The following LNPEP variants were observed in gnomAD, a reference collection of about 807,000 sequenced individuals.
LNPEP encodes the protein leucyl and cystinyl aminopeptidase.
A neutral mutation model predicts 120.6 loss-of-function variants in LNPEP; 64 were observed. That is an observed-to-expected ratio of 0.53 (90% CI 0.43 to 0.65). LNPEP has a LOEUF of 0.65. LNPEP is among the 30% of genes least tolerant of loss of function. The pLI is 0.00. For missense variants in LNPEP, 1,057 were observed against 1,200.0 expected (o/e 0.88, Z 1.76); for synonymous variants, 435 against 425.4 (o/e 1.02, Z -0.28).
At chr5:96,938,431 A>G (rs1788973963) in intron 1 of LNPEP, among the ~76,000 whole-genome samples, 1 of 152,256 alleles carries the variant, frequency 6.6e-6, no homozygotes, top group African/African-American at 2.4e-5. Flanking sequence ...AAACAGTTTC[A>G]GTAATTTAGG....
At position 97,030,607 on chromosome 5, in the gene LNPEP, T is replaced by C. The variant is rs1791448274; in HGVS notation, c.*2074T>C. 1 of 71,286 alleles carries C rather than the reference T, an allele frequency of 1.4e-5. No homozygotes were observed. Among genetic ancestry groups the C allele is most frequent in the Non-Finnish European group, 3.0e-5 (1 of 33,762 alleles). 4.4% of individuals were successfully genotyped at this position (71,286 alleles called of 1,614,324 possible). A position where few individuals can be genotyped will look rare whatever the true frequency, so the allele number is the denominator to read the frequency against. ...TCTTGAATTATATCATTTCTCTCCC[T>C]CTCTCTCTCTCTCTGTGTGTGTGTG... On this transcript the variant is annotated 3_prime_UTR_variant, in exon 18 of 18. Transcript: ENST00000231368.
intron 1 of LNPEP, among the ~76,000 whole-genome samples, chr5:96,964,238 T>C (rs1789674658): frequency 6.6e-6 from 1 of 152,084 alleles, no homozygotes; most frequent in African/African-American, 2.4e-5. Context: ...CGTGGATCAA[T>C]TCTAAAACAT....
intron 1 of LNPEP, among the ~76,000 whole-genome samples, chr5:96,941,846 G>T (rs902758027): frequency 6.6e-6 from 1 of 152,226 alleles, no homozygotes; most frequent in African/African-American, 2.4e-5. Context: ...TGATGAAGAT[G>T]AAAGAAATGT....
Position 96,960,409 on chromosome 5 carries a change from A to G in LNPEP, c.20-18729A>G, listed in dbSNP as rs893343176. 7.2e-5 allele frequency among the ~76,000 whole-genome samples: 11 copies of G among 152,334 alleles called. No homozygotes were observed. In the South Asian group the frequency reaches 1.4e-3, roughly 20 times the overall value. ...ACTAACTGCAGCAAAACTTGGTTCA[A>G]TGTAGAAATCTAAAACTTAAAGCAA... On this transcript the variant is annotated intron_variant, in intron 1 of 17. Transcript: ENST00000231368.
At chr5:96,954,633 CATATAT>C (rs1439094563) in intron 1 of LNPEP, among the ~76,000 whole-genome samples, 15 of 41,584 alleles carry the variant, frequency 3.6e-4, no homozygotes, top group Middle Eastern at 0.011. Flanking sequence ...TATATATATA[CATATAT>C]ACATATATAC....
chr5:97,022,620 G>A lies in LNPEP; in HGVS notation c.2561+136G>A, dbSNP rs367991511. The A allele has an allele frequency of 1.7e-5, 12 of 691,144 alleles. No homozygotes were observed. The African/African-American group carries it at 1.8e-4, about 11-fold the overall frequency. The allele number at this position is 691,144 out of a possible 1,614,324, so 42.8% of individuals were successfully genotyped here. ...CAGTGTAGGTGAACTCTATGTATCT[G>A]CATTCTCAAACAAGACTTTTTTTTT... On this transcript the variant is annotated intron_variant, in intron 14 of 17. Transcript: ENST00000231368.
intron 17 of LNPEP, 35 bp downstream of exon 17, chr5:97,027,849 C>A: frequency 8.0e-7 from 1 of 1,247,794 alleles, no homozygotes; most frequent in Non-Finnish European, 1.2e-6. Flanking sequence ...AGAGACTGGG[C>A]AACCCTCCGC....
intron 1 of LNPEP, among the ~76,000 whole-genome samples, chr5:96,955,618 C>G (rs1488936226): frequency 6.6e-6 from 1 of 151,830 alleles, no homozygotes; most frequent in Admixed American, 6.5e-5. Flanking sequence ...GACTCCATCT[C>G]AAAAAAGAAA....
chr5:96,989,381 AT>A (rs1351882371), intron 4 of LNPEP, among the ~76,000 whole-genome samples: 7 of 22,924 alleles, frequency 3.1e-4, no homozygotes, highest in African/African-American at 1.1e-3. Flanking sequence ...TATATTATAT[AT>A]TATATACAAT....
intron 1 of LNPEP, chr5:96,943,109 C>A: frequency 2.8e-6 from 1 of 360,164 alleles, no homozygotes; most frequent in East Asian, 5.9e-5. Context: ...CTTCCACAGT[C>A]TTTCTGAGAT....
chr5:96,940,532 A>C (rs1355043217), intron 1 of LNPEP, among the ~76,000 whole-genome samples: 1 of 152,200 alleles, frequency 6.6e-6, no homozygotes, highest in African/African-American at 2.4e-5. Context: ...TGTCATGCTA[A>C]TATGAAATAT....
intron 13 of LNPEP, among the ~76,000 whole-genome samples, chr5:97,015,317 A>G (rs1791041147): frequency 6.6e-6 from 1 of 152,122 alleles, no homozygotes; most frequent in Non-Finnish European, 1.5e-5. Context: ...AAATACAGAC[A>G]TTTGACACCA....
At position 97,013,680 on chromosome 5, in the gene LNPEP, G is replaced by A. The variant is rs141348665; in HGVS notation, c.2068G>A (p.Val690Ile). ...VINLTEEVLW[V>I]KVNINMNGYY... ...CAATCTTACAGAAGAAGTGCTGTGG[G>A]TCAAAGTGAATATAAACATGAATGG... The change falls in exon 12 of 18, where the codon GTC becomes ATC. Residue 690 changes from valine (V) to isoleucine (I), a missense_variant. By Grantham distance (29) the Val-to-Ile change is conservative. Transcript: ENST00000231368. 4.5e-6 allele frequency: 7 copies of A among 1,572,646 alleles called. No homozygotes were observed. Among genetic ancestry groups the A allele is most frequent in the Non-Finnish European group, 6.0e-6 (7 of 1,159,624 alleles).
intron 1 of LNPEP, among the ~76,000 whole-genome samples, chr5:96,975,268 C>A (rs921013930): frequency 6.6e-6 from 1 of 152,078 alleles, no homozygotes; most frequent in Non-Finnish European, 1.5e-5. Context: ...ATCTCATAAT[C>A]CTGTTCTCCT....
At chr5:96,982,822 T>G (rs1790156308) in intron 2 of LNPEP, among the ~76,000 whole-genome samples, 1 of 152,142 alleles carries the variant, frequency 6.6e-6, no homozygotes, top group Non-Finnish European at 1.5e-5. Context: ...ACAAAAAAAG[T>G]ACACAAATTT....
intron 2 of LNPEP, among the ~76,000 whole-genome samples, chr5:96,980,780 G>A (rs1353434994): frequency 1.3e-5 from 2 of 152,144 alleles, no homozygotes; most frequent in African/African-American, 2.4e-5. Context: ...GTGAATTACT[G>A]ATGCTGACCA....
chr5:97,024,449 C>T, intron 14 of LNPEP, 72 bp from the exon 15 acceptor site: 1 of 1,423,312 alleles, frequency 7.0e-7, no homozygotes, highest in Admixed American at 1.9e-5. Flanking sequence ...GAAACTCCAC[C>T]ACAGCCAACT....
intron 13 of LNPEP, among the ~76,000 whole-genome samples, chr5:97,016,241 A>G (rs1450395303): frequency 6.6e-6 from 1 of 152,142 alleles, no homozygotes; most frequent in Admixed American, 6.6e-5. Context: ...GCTTTCAGCT[A>G]GCAGCCTTAA....
chr5:96,994,321 T>C (rs1401941451), intron 6 of LNPEP, among the ~76,000 whole-genome samples: 1 of 152,214 alleles, frequency 6.6e-6, no homozygotes, highest in Admixed American at 6.5e-5. Context: ...CCACTATCTC[T>C]TCAAGATCTC....
Sources: gnomAD v4.1 joint callset for allele counts (sites outside exome capture counted in the v4.1 genomes callset) on GRCh38, gnomAD v4.1.1 for gene constraint, MANE v1.5 for transcripts, NCBI Gene and HGNC (gene_info 2026-07-23, HGNC 2026-07-21) for gene names.